WDR62: variants seen among roughly 807,000 people sequenced by gnomAD.
The protein encoded by WDR62 is WD repeat-containing protein 62.
WDR62 carries 112 observed loss-of-function variants against 160.6 expected under a neutral mutation model. The ratio of observed to expected loss-of-function variants is 0.70; its 90% CI spans 0.60 to 0.82. The LOEUF (loss-of-function observed/expected upper bound fraction) is 0.82. Ranked by LOEUF, WDR62 falls within the 40% of genes least tolerant of loss-of-function variation. The probability of loss-of-function intolerance (pLI) is 0.00; values close to 1 mark genes in which losing one functional copy is unlikely to be tolerated. For synonymous variants in WDR62, 792 were observed against 815.1 expected (o/e 0.97, Z 0.48); for missense variants, 1,819 against 1,983.8 (o/e 0.92, Z 1.58).
intron 20 of WDR62, among the ~76,000 whole-genome samples, chr19:36,096,619 G>A (rs990452470): frequency 4.0e-5 from 6 of 151,888 alleles, no homozygotes; most frequent in African/African-American, 1.5e-4. Context: ...GCTGAGGCAG[G>A]AGAATGGCAT....
chr19:36,080,118 T>A (rs994492352), intron 9 of WDR62, among the ~76,000 whole-genome samples: 2 of 151,866 alleles, frequency 1.3e-5, no homozygotes, highest in African/African-American at 2.4e-5. Flanking sequence ...TTTTATTATT[T>A]TTTTTTTGAG....
In WDR62 at chr19:36,086,541, C is replaced by T. The variant is rs914559307; in HGVS notation, c.1643-146C>T. 72 of 1,027,094 alleles carry T rather than the reference C, an allele frequency of 7.0e-5. No homozygotes were observed. In the African/African-American group the frequency reaches 1.0e-3, roughly 15 times the overall value. 63.6% of individuals were successfully genotyped at this position (1,027,094 alleles called of 1,614,324 possible). On this transcript the variant is annotated intron_variant, in intron 12 of 31. Coordinates refer to ENST00000401500, the MANE Select transcript of WDR62 (RefSeq NM_001083961.2). ...ACCACACAGAGCTAAGGGAGTGGCC[C>T]TTGCCAGGCTTGGGCCAAGTTGGCT...
chr19:36,108,161 A>G (rs1016448104), downstream of WDR62, among the ~76,000 whole-genome samples: 1 of 152,056 alleles, frequency 6.6e-6, no homozygotes, highest in Non-Finnish European at 1.5e-5. Flanking sequence ...CGGAGTGAGA[A>G]TCAACACCCT....
At position 36,091,445 on chromosome 19, in the gene WDR62, G is replaced by C. The variant is rs2145785224; in HGVS notation, c.2190G>C (p.Leu730Phe). The C allele has an allele frequency of 6.2e-7, 1 of 1,608,994 alleles. No homozygotes were observed. The highest frequency in any genetic ancestry group is 1.3e-5 in the African/African-American group (1 of 74,746). ...AGTTCACCTATGACTGTCATCACTTGATCACAGTATCTGGAGACAGGTGGG... is the reference window on the plus strand; with the variant it reads ...AGTTCACCTATGACTGTCATCACTTCATCACAGTATCTGGAGACAGGTGGG... ...SMKFTYDCHH[L>F]ITVSGDSCVF... Residue 730 changes from leucine to phenylalanine, a missense_variant, in exon 18 of 32, where the codon TTG becomes TTC. Transcript: ENST00000401500.
intron 20 of WDR62, among the ~76,000 whole-genome samples, chr19:36,095,199 T>G (rs1972883533): frequency 6.6e-6 from 1 of 152,186 alleles, no homozygotes; most frequent in Admixed American, 6.5e-5. Flanking sequence ...AAGATTTTTT[T>G]TTGTATCTTT....
chr19:36,063,031 G>C (rs1374132522), intron 3 of WDR62, among the ~76,000 whole-genome samples: 1 of 150,998 alleles, frequency 6.6e-6, no homozygotes, highest in Non-Finnish European at 1.5e-5. Context: ...ACTGCAACCT[G>C]ACTCCCCAGT....
intron 1 of WDR62, among the ~76,000 whole-genome samples, chr19:36,056,469 C>G (rs1970377852): frequency 6.6e-6 from 1 of 152,194 alleles, no homozygotes; most frequent in South Asian, 2.1e-4. Flanking sequence ...AGTCCTCAGC[C>G]TGGGCTTTTT....
intron 1 of WDR62, among the ~76,000 whole-genome samples, chr19:36,055,364 CG>C (rs1970305618): frequency 1.3e-5 from 2 of 152,120 alleles, no homozygotes; most frequent in Non-Finnish European, 2.9e-5. Context: ...TGGAGCAATT[CG>C]GGGGTTCCTC....
intron 7 of WDR62, among the ~76,000 whole-genome samples, chr19:36,069,906 G>C (rs1391691552): frequency 6.6e-6 from 1 of 152,060 alleles, no homozygotes; most frequent in Non-Finnish European, 1.5e-5. Context: ...GCTGAGGCAG[G>C]AGAATCAGGC....
chr19:36,080,116 T>C (rs1363505261), intron 9 of WDR62, among the ~76,000 whole-genome samples: 1 of 52,852 alleles, frequency 1.9e-5, no homozygotes, highest in South Asian at 4.0e-4. Flanking sequence ...TTTTTTATTA[T>C]TTTTTTTTTG....
Position 36,101,272 on chromosome 19 carries a change from C to T in WDR62, c.2926C>T (p.Leu976Phe). The change falls in exon 24 of 32, where the codon CTC (leucine) becomes TTC (phenylalanine). Residue 976 changes from leucine to phenylalanine, a missense_variant. Around this residue, in one of 3 missense-constraint regions of WDR62, gnomAD observed 770 missense variants for 734.2 expected, o/e 1.05. Coordinates refer to ENST00000401500, the MANE Select transcript of WDR62 (RefSeq NM_001083961.2). ...GPGDQQGDSY[L>F]RVSSDSPKDQ... Reference sequence around the variant, plus strand: ...TGGAGACCAGCAGGGCGACTCCTACCTCAGGGTGTCCTCCGACAGCCCAAA... The same window carrying T: ...TGGAGACCAGCAGGGCGACTCCTACTTCAGGGTGTCCTCCGACAGCCCAAA... 1 of 1,613,020 alleles carries T rather than the reference C, an allele frequency of 6.2e-7. No homozygotes were observed. The highest frequency in any genetic ancestry group is 8.5e-7 in the Non-Finnish European group (1 of 1,179,802).
At chr19:36,079,676 C>T (rs981748470) in intron 9 of WDR62, among the ~76,000 whole-genome samples, 7 of 152,220 alleles carry the variant, frequency 4.6e-5, no homozygotes, top group African/African-American at 1.7e-4. Flanking sequence ...AGTGTGCTTT[C>T]CAATGAACAC....
intron 20 of WDR62, among the ~76,000 whole-genome samples, chr19:36,096,744 C>T (rs1189101382): frequency 2.0e-5 from 3 of 151,930 alleles, no homozygotes; most frequent in African/African-American, 4.8e-5. Context: ...CCCAAGAGTT[C>T]TCCAAACCCA....
intron 3 of WDR62, among the ~76,000 whole-genome samples, chr19:36,063,715 A>G (rs908166049): frequency 6.6e-6 from 1 of 152,204 alleles, no homozygotes; most frequent in East Asian, 1.9e-4. Flanking sequence ...GAGGTCTCCT[A>G]TGACTGGTGG....
At chr19:36,085,437 T>TTTTTTTTTTTTTTG (rs1972162150) in intron 12 of WDR62, among the ~76,000 whole-genome samples, 1 of 121,648 alleles carries the variant, frequency 8.2e-6, no homozygotes, top group African/African-American at 3.4e-5. Flanking sequence ...TTTTTTTTTT[T>TTTTTTTTTTTTTTG]GAGACAAGAG....
At chr19:36,102,223 G>A in intron 26 of WDR62, 72 bp downstream of exon 26, 2 of 1,609,798 alleles carry the variant, frequency 1.2e-6, no homozygotes, top group Non-Finnish European at 1.7e-6. Flanking sequence ...CGTCCCTGGA[G>A]TTGGCTCCCC....
downstream of WDR62, among the ~76,000 whole-genome samples, chr19:36,107,305 C>A (rs1247209096): frequency 6.6e-6 from 1 of 152,194 alleles, no homozygotes; most frequent in Non-Finnish European, 1.5e-5. Context: ...CAATTGTTGG[C>A]TTTCCTGCAG....
rs1456157251 is a variant in WDR62, at chr19:36,054,938, G to A, written c.-34G>A. On this transcript the variant is annotated 5_prime_UTR_variant, in exon 1 of 32. Transcript: ENST00000401500. ...GTGGCGGTGGCGGCAGCGGCGGTTA[G>A]GGGATGTAACGGTCGCCCGCCTCCG... The A allele has an allele frequency of 1.9e-6, 3 of 1,559,932 alleles. No homozygotes were observed. The highest frequency in any genetic ancestry group is 2.6e-6 in the Non-Finnish European group (3 of 1,154,166).
At chr19:36,101,072 G>A (rs1205823386) in intron 23 of WDR62, 142 bp from the exon 24 acceptor site, 7 of 1,163,270 alleles carry the variant, frequency 6.0e-6, no homozygotes, top group Non-Finnish European at 8.8e-6. Flanking sequence ...GGGAAGGAGG[G>A]GGCATTTGGA....
Sources: gnomAD v4.1 joint callset for allele counts (sites outside exome capture counted in the v4.1 genomes callset) on GRCh38, gnomAD v4.1.1 for gene constraint, gnomAD v4.1.1 regional missense constraint, MANE v1.5 for transcripts, NCBI Gene and HGNC (gene_info 2026-07-23, HGNC 2026-07-21) for gene names.